Variants in GPC5 observed in about 807,000 individuals in gnomAD.
GPC5 encodes the protein glypican-5.
GPC5 carries 47 observed loss-of-function variants against 53.9 expected under a neutral mutation model. The observed-to-expected ratio is 0.87, with a 90% CI of 0.69 to 1.11. The LOEUF (loss-of-function observed/expected upper bound fraction) is 1.11. Among genes scored for constraint, GPC5 ranks in the 50% most tolerant of loss-of-function variants. The probability of loss-of-function intolerance (pLI) is 0.00; values close to 1 mark genes in which losing one functional copy is unlikely to be tolerated. For synonymous variants in GPC5, 286 were observed against 263.3 expected (o/e 1.09, Z -0.84); for missense variants, 748 against 713.1 (o/e 1.05, Z -0.56).
At chr13:92,033,459 T>A (rs1294482542) in intron 6 of GPC5, among the ~76,000 whole-genome samples, 2 of 152,198 alleles carry the variant, frequency 1.3e-5, no homozygotes, top group African/African-American at 2.4e-5. Context: ...GTCTTCTGTG[T>A]CCAACTAAAT....
chr13:91,646,435 A>G (rs1374899125), intron 2 of GPC5, among the ~76,000 whole-genome samples: 2 of 151,940 alleles, frequency 1.3e-5, no homozygotes, highest in Non-Finnish European at 2.9e-5. Context: ...ACATCAGAAA[A>G]TTAAATATGA....
intron 2 of GPC5, among the ~76,000 whole-genome samples, chr13:91,452,543 G>T (rs1881258142): frequency 6.6e-6 from 1 of 152,024 alleles, no homozygotes; most frequent in Admixed American, 6.6e-5. Flanking sequence ...ACAAGAGTTT[G>T]TTTCCCATTG....
chr13:92,588,402 G>A (rs565059265), intron 7 of GPC5, among the ~76,000 whole-genome samples: 21 of 152,234 alleles, frequency 1.4e-4, no homozygotes, highest in African/African-American at 3.6e-4. Flanking sequence ...TTAACACTGC[G>A]TGTGTTGCTC....
intron 7 of GPC5, among the ~76,000 whole-genome samples, chr13:92,222,049 T>C (rs534800257): frequency 4.9e-4 from 75 of 152,274 alleles, no homozygotes; most frequent in Admixed American, 4.9e-3. Flanking sequence ...TGGTGGGAAC[T>C]TTCTTATCTC....
chr13:91,736,374 A>T (rs2036815371), intron 4 of GPC5, among the ~76,000 whole-genome samples: 1 of 151,466 alleles, frequency 6.6e-6, no homozygotes, highest in African/African-American at 2.5e-5. Flanking sequence ...CTAATTAAAA[A>T]GTAGTTCAAA....
intron 6 of GPC5, among the ~76,000 whole-genome samples, chr13:92,018,782 A>AT (rs2040730405): frequency 6.6e-6 from 1 of 152,050 alleles, no homozygotes; most frequent in African/African-American, 2.4e-5. Flanking sequence ...AGAATTCAGG[A>AT]TATTTTTCAA....
chr13:91,686,473 A>T (rs576424849), intron 2 of GPC5, among the ~76,000 whole-genome samples: 1 of 151,980 alleles, frequency 6.6e-6, no homozygotes, highest in Admixed American at 6.6e-5. Context: ...TATTCCAGAA[A>T]ACTTTGCACA....
At chr13:92,208,191 G>A (rs530489164) in intron 7 of GPC5, among the ~76,000 whole-genome samples, 4 of 152,276 alleles carry the variant, frequency 2.6e-5, no homozygotes, top group Admixed American at 6.5e-5. Context: ...GGTTCCAGTC[G>A]CCTTCTGATC....
intron 7 of GPC5, among the ~76,000 whole-genome samples, chr13:92,755,365 C>G (rs962526213): frequency 3.6e-5 from 5 of 140,738 alleles, no homozygotes; most frequent in African/African-American, 1.0e-4. Flanking sequence ...TAAATGCCCA[C>G]AAGAGAAAGC....
intron 2 of GPC5, among the ~76,000 whole-genome samples, chr13:91,579,455 G>A (rs1209257896): frequency 2.6e-5 from 4 of 151,874 alleles, no homozygotes; most frequent in South Asian, 2.1e-4. Flanking sequence ...GTTCTGCTAC[G>A]GCATGGAATC....
intron 5 of GPC5, among the ~76,000 whole-genome samples, chr13:91,801,785 A>G (rs1240944493): frequency 6.6e-6 from 1 of 152,224 alleles, no homozygotes; most frequent in Non-Finnish European, 1.5e-5. Flanking sequence ...GCAAAGTCAC[A>G]TACCAAATAG....
intron 7 of GPC5, among the ~76,000 whole-genome samples, chr13:92,487,866 T>A (rs9556183): frequency 0.8 from 118,549 of 147,800 alleles, 47,366 homozygotes; most frequent in Admixed American, 0.82. Context: ...AAAAAGAAAG[T>A]AAAACCTATG....
At chr13:92,637,521 G>A (rs1034854185) in intron 7 of GPC5, among the ~76,000 whole-genome samples, 1 of 152,132 alleles carries the variant, frequency 6.6e-6, no homozygotes, top group Admixed American at 6.5e-5. Flanking sequence ...CCTTGAATCA[G>A]TTAGAATACT....
chr13:92,116,253 A>C (rs141673641), intron 6 of GPC5, among the ~76,000 whole-genome samples: 1,008 of 14,246 alleles, frequency 0.071, 18 homozygotes, highest in Middle Eastern at 0.12. Context: ...GTCTCAAAAA[A>C]CAAACAAACA....
Position 91,693,671 on chromosome 13 carries a change from T to C in GPC5, c.810T>C (p.Cys270=). Residue 270 remains cysteine, a synonymous_variant, in exon 3 of 8, where the codon TGT becomes TGC. Transcript: ENST00000377067. ...AAGGCCTGGCGCTCACTAAGCCTTG[T>C]ATGGGATACTGCCTCAATGTCATGC... ...HCQGLALTKP[C]MGYCLNVMRG... 1 of 1,614,146 alleles carries C rather than the reference T, an allele frequency of 6.2e-7. No homozygotes were observed. Among genetic ancestry groups the C allele is most frequent in the South Asian group, 1.1e-5 (1 of 91,084 alleles).
intron 7 of GPC5, among the ~76,000 whole-genome samples, chr13:92,354,384 C>T (rs1020266625): frequency 1.3e-5 from 2 of 152,140 alleles, no homozygotes; most frequent in African/African-American, 4.8e-5. Flanking sequence ...GCTCCTTTTC[C>T]CATGTTATCA....
chr13:92,102,099 G>A (rs1359741392), intron 6 of GPC5, among the ~76,000 whole-genome samples: 1 of 152,068 alleles, frequency 6.6e-6, no homozygotes, highest in Non-Finnish European at 1.5e-5. Context: ...CATATAAATA[G>A]ATGAATTTTC....
intron 6 of GPC5, among the ~76,000 whole-genome samples, chr13:91,988,592 A>G (rs1453681287): frequency 6.6e-6 from 1 of 152,212 alleles, no homozygotes; most frequent in African/African-American, 2.4e-5. Context: ...ATCTGATATC[A>G]TGATGCTAAG....
At chr13:92,431,549 T>A (rs1047418350) in intron 7 of GPC5, among the ~76,000 whole-genome samples, 1 of 152,020 alleles carries the variant, frequency 6.6e-6, no homozygotes, top group Non-Finnish European at 1.5e-5. Flanking sequence ...AAAACATTGA[T>A]ATAATTAATA....
Sources: gnomAD v4.1 joint callset for allele counts (sites outside exome capture counted in the v4.1 genomes callset) on GRCh38, gnomAD v4.1.1 for gene constraint, MANE v1.5 for transcripts, NCBI Gene and HGNC (gene_info 2026-07-23, HGNC 2026-07-21) for gene names.